Variants in CDH13 observed in about 807,000 individuals in gnomAD.
The protein encoded by CDH13 is cadherin-13.
Under a neutral mutation model 63.8 loss-of-function variants are expected in CDH13, and 24 were observed. That is an observed-to-expected ratio of 0.38 (90% CI 0.27 to 0.53). CDH13 has a LOEUF of 0.53. CDH13 is among the 20% of genes least tolerant of loss of function. CDH13 has a pLI of 0.85. For synonymous variants in CDH13, 503 were observed against 355.3 expected (o/e 1.42, Z -4.67); for missense variants, 1,049 against 903.1 (o/e 1.16, Z -2.07).
chr16:82,840,141 A>G (rs1175972332), intron 1 of CDH13, among the ~76,000 whole-genome samples: 2 of 152,152 alleles, frequency 1.3e-5, no homozygotes, highest in Non-Finnish European at 2.9e-5. Flanking sequence ...AGTTAACGCT[A>G]TAATGATAAT....
At chr16:83,064,104 C>T (rs374154907) in intron 3 of CDH13, among the ~76,000 whole-genome samples, 82 of 152,306 alleles carry the variant, frequency 5.4e-4, no homozygotes, top group African/African-American at 1.8e-3. Flanking sequence ...GGTGCGGTGG[C>T]TCATGCCTGT....
chr16:82,856,555 A>G, intron 1 of CDH13, among the ~76,000 whole-genome samples: 1 of 151,172 alleles, frequency 6.6e-6, no homozygotes, highest in East Asian at 2.0e-4. Flanking sequence ...TAGAAAAATT[A>G]GCTGGGCTTG....
intron 2 of CDH13, among the ~76,000 whole-genome samples, chr16:82,894,537 G>C (rs888968661): frequency 6.6e-6 from 1 of 152,152 alleles, no homozygotes; most frequent in African/African-American, 2.4e-5. Context: ...AGCTACTTGG[G>C]AGGCTGAGGC....
intron 1 of CDH13, among the ~76,000 whole-genome samples, chr16:82,757,652 T>G (rs1211064827): frequency 9.8e-6 from 1 of 101,596 alleles, no homozygotes; most frequent in Non-Finnish European, 2.4e-5. Flanking sequence ...TTTTTGTTTT[T>G]TTTTTTTTTG....
At chr16:83,127,696 C>T (rs1428256009) in intron 4 of CDH13, among the ~76,000 whole-genome samples, 1 of 152,200 alleles carries the variant, frequency 6.6e-6, no homozygotes, top group Non-Finnish European at 1.5e-5. Context: ...CAGTGTACTC[C>T]AGCATGGGCG....
At chr16:83,495,151 C>T (rs1235461413) in intron 7 of CDH13, among the ~76,000 whole-genome samples, 1 of 152,160 alleles carries the variant, frequency 6.6e-6, no homozygotes, top group East Asian at 1.9e-4. Context: ...TGACTCAGCC[C>T]TCAGGAGACC....
chr16:83,104,057 A>G (rs1056366813), intron 3 of CDH13, among the ~76,000 whole-genome samples: 2 of 152,210 alleles, frequency 1.3e-5, no homozygotes, highest in Non-Finnish European at 2.9e-5. Flanking sequence ...GCAGACTTTG[A>G]AGAAGGAGAC....
Position 83,084,133 on chromosome 16 carries a change from C to A in CDH13, c.367-41252C>A, listed in dbSNP as rs4783322. On this transcript the variant is annotated intron_variant, in intron 3 of 13. Transcript: ENST00000567109. ...CAATTTGGATGTTATAGGTAGCGCT[C>A]TTCACACCCAATAAATTGCTTATCT... 1.6e-3 allele frequency among the ~76,000 whole-genome samples: 241 copies of A among 152,132 alleles called. 1 individual carries two copies. The highest frequency in any genetic ancestry group is 0.012 in the South Asian group (57 of 4,822).
chr16:83,437,445 T>A (rs185659813), intron 6 of CDH13, among the ~76,000 whole-genome samples: 1 of 151,670 alleles, frequency 6.6e-6, no homozygotes, highest in South Asian at 2.1e-4. Flanking sequence ...AGAGGTCGAG[T>A]CAGGTGGATC....
chr16:83,323,743 C>G (rs942501445), intron 5 of CDH13, among the ~76,000 whole-genome samples: 1 of 152,194 alleles, frequency 6.6e-6, no homozygotes, highest in African/African-American at 2.4e-5. Flanking sequence ...ATAGTACAGG[C>G]CATCACACTC....
intron 8 of CDH13, among the ~76,000 whole-genome samples, chr16:83,617,345 A>G (rs16961037): frequency 0.13 from 19,831 of 152,166 alleles, 1,746 homozygotes; most frequent in East Asian, 0.26. Context: ...GCTGCGTATA[A>G]GTAATACTCT....
chr16:83,397,831 G>A (rs1244140260), intron 6 of CDH13: 1 of 152,204 alleles, frequency 6.6e-6, no homozygotes, highest in African/African-American at 2.4e-5. Context: ...AGTTTGCCCT[G>A]TCCATATTCA....
In CDH13 at chr16:83,120,570, C is replaced by T. The variant is rs372259180; in HGVS notation, c.367-4815C>T. 2.4e-4 allele frequency among the ~76,000 whole-genome samples: 36 copies of T among 152,198 alleles called. 2 individuals are homozygous for T. The South Asian group carries it at 4.8e-3, about 20-fold the overall frequency. ...GTCCTTTACATCTGCACAAAGTTTA[C>T]GTCTTTTTAAAGTGTTTCTCTAGAC... is the stretch of plus-strand genomic sequence containing the variant. On this transcript the variant is annotated intron_variant, in intron 3 of 13. Coordinates refer to ENST00000567109, the MANE Select transcript of CDH13 (RefSeq NM_001257.5).
rs920619557 is a variant in CDH13 at position 83,345,016 on chromosome 16, A to G, written c.781+10A>G. The G allele has an allele frequency of 2.5e-6, 4 of 1,613,310 alleles. No homozygotes were observed. The highest frequency in any genetic ancestry group is 1.3e-5 in the African/African-American group (1 of 75,028). On this transcript the variant is annotated intron_variant, in intron 6 of 13. Coordinates refer to ENST00000567109, the MANE Select transcript of CDH13 (RefSeq NM_001257.5). ...GAAGGGTCACCCACAGGTATGTCAC[A>G]TTGGCTTACCTTTAGCGTAATGGCT...
chr16:83,495,623 G>A (rs545833158), intron 7 of CDH13, among the ~76,000 whole-genome samples: 1 of 152,284 alleles, frequency 6.6e-6, no homozygotes, highest in Admixed American at 6.5e-5. Flanking sequence ...TTTCAAGATA[G>A]GGCAAAGAAA....
chr16:83,138,577 G>A (rs1368488652), intron 4 of CDH13, among the ~76,000 whole-genome samples: 1 of 152,164 alleles, frequency 6.6e-6, no homozygotes, highest in Non-Finnish European at 1.5e-5. Context: ...ATGCAAGGAG[G>A]AAATTGTCAC....
At chr16:82,986,798 G>A (rs1312399366) in intron 2 of CDH13, among the ~76,000 whole-genome samples, 1 of 152,174 alleles carries the variant, frequency 6.6e-6, no homozygotes, top group Non-Finnish European at 1.5e-5. Context: ...TACCGCAAAT[G>A]GGTGAAGAAT....
intron 2 of CDH13, among the ~76,000 whole-genome samples, chr16:82,912,792 T>A (rs898764793): frequency 1.3e-5 from 2 of 151,738 alleles, no homozygotes; most frequent in East Asian, 1.9e-4. Flanking sequence ...AAATACAAAA[T>A]ATTAGCTGGG....
intron 2 of CDH13, among the ~76,000 whole-genome samples, chr16:82,978,513 G>C (rs915610045): frequency 2.0e-4 from 30 of 152,248 alleles, no homozygotes; most frequent in African/African-American, 7.0e-4. Context: ...GGAACTTGGT[G>C]CCCTGTGTCC....
Sources: allele counts gnomAD v4.1 joint callset (sites outside exome capture counted in the v4.1 genomes callset), GRCh38; gene constraint gnomAD v4.1.1; transcripts MANE v1.5; gene names NCBI Gene and HGNC (gene_info 2026-07-23, HGNC 2026-07-21).